The following NOS1AP variants were observed in gnomAD, a reference collection of about 807,000 sequenced individuals.
NOS1AP encodes the protein carboxyl-terminal PDZ ligand of neuronal nitric oxide synthase protein.
A neutral mutation model predicts 56.2 loss-of-function variants in NOS1AP; 21 were observed. The observed-to-expected ratio is 0.37, with a 90% confidence interval of 0.26 to 0.54. NOS1AP has a LOEUF of 0.54. Ranked by LOEUF, NOS1AP falls within the 20% of genes least tolerant of loss-of-function variation. The probability of loss-of-function intolerance (pLI) is 0.84; values close to 1 mark genes in which losing one functional copy is unlikely to be tolerated. For synonymous variants in NOS1AP, 270 were observed against 274.6 expected (o/e 0.98, Z 0.17); for missense variants, 522 against 657.8 (o/e 0.79, Z 2.26).
At chr1:162,201,220 C>T (rs1401095792) in intron 2 of NOS1AP, among the ~76,000 whole-genome samples, 2 of 152,154 alleles carry the variant, frequency 1.3e-5, no homozygotes, top group Admixed American at 1.3e-4. Context: ...CATCCATGTT[C>T]CTGCAAAGGA....
chr1:162,183,135 G>A (rs1043743281), intron 2 of NOS1AP, among the ~76,000 whole-genome samples: 2 of 152,202 alleles, frequency 1.3e-5, no homozygotes, highest in African/African-American at 4.8e-5. Context: ...AGAATGGATG[G>A]TGTGTTAACA....
Position 162,324,977 on chromosome 1 carries a change from G to T in NOS1AP, c.345-8040G>T, listed in dbSNP as rs75278396. On this transcript the variant is annotated intron_variant, in intron 4 of 9. Coordinates refer to ENST00000361897, the MANE Select transcript of NOS1AP (RefSeq NM_014697.3). Reference sequence around the variant, plus strand: ...TTGACAGTGTGGCCCCACACTTCAGGTGTCTGTGGAAGTCAGGCTGTGAAG... The same window carrying T: ...TTGACAGTGTGGCCCCACACTTCAGTTGTCTGTGGAAGTCAGGCTGTGAAG... Among the ~76,000 whole-genome samples, 18 of 152,276 alleles carry T rather than the reference G, an allele frequency of 1.2e-4. No homozygotes were observed. In the East Asian group the frequency reaches 3.5e-3, roughly 29 times the overall value.
Position 162,300,662 on chromosome 1 carries a change from G to T in NOS1AP, c.300G>T (p.Thr100=). The T allele has an allele frequency of 2.5e-6, 4 of 1,614,036 alleles. No homozygotes were observed. Among genetic ancestry groups the T allele is most frequent in the Non-Finnish European group, 3.4e-6 (4 of 1,179,956 alleles). Residue 100 remains threonine (T), a synonymous_variant, in exon 4 of 10, where the codon ACG becomes ACT. Transcript: ENST00000361897. ...KLLLLQKKEW[T]WDESKMLVMQ... ...TTTTATTGCAGAAAAAGGAATGGAC[G>T]TGGGATGAGAGCAAGATGCTGGTGA...
chr1:162,281,189 G>T (rs1040455276), intron 2 of NOS1AP, among the ~76,000 whole-genome samples: 31 of 152,308 alleles, frequency 2.0e-4, no homozygotes, highest in African/African-American at 6.0e-4. Flanking sequence ...CTGTGCTGTG[G>T]ACCATGGACC....
intron 1 of NOS1AP, among the ~76,000 whole-genome samples, chr1:162,099,653 TTAAG>T (rs1475231484): frequency 6.7e-6 from 1 of 149,616 alleles, no homozygotes; most frequent in Non-Finnish European, 1.5e-5. Context: ...TTATCATACT[TTAAG>T]TTTTAGGGTA....
intron 9 of NOS1AP, 97 bp from the exon 10 acceptor site, chr1:162,366,955 A>G: frequency 7.1e-7 from 1 of 1,402,752 alleles, no homozygotes; most frequent in Non-Finnish European, 1.0e-6. Flanking sequence ...TGGTCTGGGA[A>G]GGGCTTTGGC....
At chr1:162,174,097 G>T (rs549352524) in intron 2 of NOS1AP, among the ~76,000 whole-genome samples, 36 of 152,266 alleles carry the variant, frequency 2.4e-4, no homozygotes, top group Admixed American at 1.9e-3. Context: ...CTGCTATAAA[G>T]ATACATGCAC....
At chr1:162,242,022 C>CA (rs1230170241) in intron 2 of NOS1AP, among the ~76,000 whole-genome samples, 1 of 152,148 alleles carries the variant, frequency 6.6e-6, no homozygotes, top group Non-Finnish European at 1.5e-5. Context: ...ACTTTTCTCT[C>CA]AAAAAATAGA....
chr1:162,257,934 G>A (rs1654085260), intron 2 of NOS1AP, among the ~76,000 whole-genome samples: 1 of 151,808 alleles, frequency 6.6e-6, no homozygotes, highest in Admixed American at 6.6e-5. Context: ...TTCCCGCTTT[G>A]AGCAACTCCA....
chr1:162,260,428 T>G (rs771274916), intron 2 of NOS1AP, among the ~76,000 whole-genome samples: 3 of 152,178 alleles, frequency 2.0e-5, no homozygotes, highest in Non-Finnish European at 4.4e-5. Flanking sequence ...CCATCAAGCT[T>G]GTAACATCAG....
At chr1:162,332,907 A>G in intron 4 of NOS1AP, 110 bp from the exon 5 acceptor site, 1 of 792,300 alleles carries the variant, frequency 1.3e-6, no homozygotes, top group East Asian at 2.5e-5. Flanking sequence ...TTCTGTAATA[A>G]CTTGGCTCTC....
chr1:162,226,110 A>G (rs1652931979), intron 2 of NOS1AP, among the ~76,000 whole-genome samples: 1 of 152,048 alleles, frequency 6.6e-6, no homozygotes. Flanking sequence ...CCTGACCAAC[A>G]TGGAGAAACC....
intron 2 of NOS1AP, among the ~76,000 whole-genome samples, chr1:162,252,993 G>A (rs954622289): frequency 6.6e-6 from 1 of 152,006 alleles, no homozygotes; most frequent in African/African-American, 2.4e-5. Flanking sequence ...GTGCCTAATT[G>A]GTCTCTGCTA....
At chr1:162,183,202 A>G (rs559635965) in intron 2 of NOS1AP, among the ~76,000 whole-genome samples, 11 of 152,366 alleles carry the variant, frequency 7.2e-5, no homozygotes, top group African/African-American at 2.4e-4. Flanking sequence ...TTGGGTAACC[A>G]GGTGCATTGT....
At chr1:162,100,210 T>C (rs1692350927) in intron 1 of NOS1AP, among the ~76,000 whole-genome samples, 1 of 152,162 alleles carries the variant, frequency 6.6e-6, no homozygotes, top group South Asian at 2.1e-4. Flanking sequence ...ATCACCACAC[T>C]GACTTCCACA....
chr1:162,201,272 T>A (rs1198987183), intron 2 of NOS1AP, among the ~76,000 whole-genome samples: 3 of 152,138 alleles, frequency 2.0e-5, no homozygotes, highest in Non-Finnish European at 4.4e-5. Flanking sequence ...TATTCCATGG[T>A]GTATATGTGC....
intron 2 of NOS1AP, among the ~76,000 whole-genome samples, chr1:162,269,702 A>T (rs1199504690): frequency 6.6e-6 from 1 of 152,220 alleles, no homozygotes; most frequent in Non-Finnish European, 1.5e-5. Context: ...GAATGTGATG[A>T]TTGCTACAAA....
chr1:162,212,007 G>A (rs189313857), intron 2 of NOS1AP, among the ~76,000 whole-genome samples: 205 of 152,352 alleles, frequency 1.3e-3, no homozygotes, highest in Non-Finnish European at 2.3e-3. Context: ...GACAGAATCA[G>A]GAGTGTAAAC....
In NOS1AP at chr1:162,144,271, C is replaced by T. The variant is rs370806550; in HGVS notation, c.106-10134C>T. On this transcript the variant is annotated intron_variant, in intron 1 of 9. Transcript: ENST00000361897. ...GTTCATCCTGATTACTTATTTCCTA[C>T]TGAAGTATTAGCATGGTGGTACAGG... 2.6e-5 allele frequency among the ~76,000 whole-genome samples: 4 copies of T among 152,360 alleles called. No individual in the cohort carries two copies. The East Asian group carries it at 5.8e-4, about 22-fold the overall frequency.
Sources: gnomAD v4.1 joint callset for allele counts (sites outside exome capture counted in the v4.1 genomes callset) on GRCh38, gnomAD v4.1.1 for gene constraint, MANE v1.5 for transcripts, NCBI Gene and HGNC (gene_info 2026-07-23, HGNC 2026-07-21) for gene names.